GRIN2A: variants seen among roughly 807,000 people sequenced by gnomAD.
GRIN2A encodes the protein glutamate ionotropic receptor NMDA type subunit 2A, also known as glutamate receptor ionotropic, NMDA 2A.
GRIN2A carries 22 observed loss-of-function variants against 113.4 expected under a neutral mutation model. The ratio of observed to expected loss-of-function variants is 0.19; its 90% CI spans 0.14 to 0.28. The LOEUF is 0.28. Among genes scored for constraint, GRIN2A ranks in the 10% least tolerant of loss-of-function variants. GRIN2A has a pLI of 1.00. For missense variants in GRIN2A, 1,502 were observed against 1,887.0 expected (o/e 0.80, Z 3.78); for synonymous variants, 827 against 738.4 (o/e 1.12, Z -1.94).
At chr16:9,804,752 T>A (rs2041931999) in intron 10 of GRIN2A, among the ~76,000 whole-genome samples, 1 of 152,132 alleles carries the variant, frequency 6.6e-6, no homozygotes, top group Non-Finnish European at 1.5e-5. Context: ...AAGAATGCCA[T>A]GCTATGCTGG....
intron 2 of GRIN2A, among the ~76,000 whole-genome samples, chr16:10,165,702 AGGAGGGGAGGGGAGAAAGGAGG>A (rs2049904726): frequency 3.4e-4 from 1 of 2,910 alleles, no homozygotes; most frequent in Admixed American, 7.2e-3. Flanking sequence ...GAGGGGAGAA[AGGAGGGGAGGGGAGAAAGGAGG>A]GGAGGGGAGA....
chr16:10,000,360 T>C (rs572661308), intron 2 of GRIN2A, among the ~76,000 whole-genome samples: 2 of 124,580 alleles, frequency 1.6e-5, no homozygotes, highest in African/African-American at 6.1e-5. Flanking sequence ...AGAAAGAAAG[T>C]TTTTTTTTCT....
intron 8 of GRIN2A, among the ~76,000 whole-genome samples, chr16:9,832,873 TC>T (rs1777222559): frequency 6.6e-6 from 1 of 152,180 alleles, no homozygotes; most frequent in South Asian, 2.1e-4. Flanking sequence ...TAATCACCAC[TC>T]TTCAATGGTG....
chr16:9,990,766 T>A (rs1175136767), intron 2 of GRIN2A, among the ~76,000 whole-genome samples: 2 of 152,184 alleles, frequency 1.3e-5, no homozygotes, highest in Non-Finnish European at 2.9e-5. Flanking sequence ...ACTATTTTCT[T>A]ATTTTAAGAA....
intron 2 of GRIN2A, among the ~76,000 whole-genome samples, chr16:10,045,898 C>T (rs146309557): frequency 4.7e-4 from 71 of 152,320 alleles, no homozygotes; most frequent in African/African-American, 1.4e-3. Context: ...CTGACCAGAT[C>T]GTGTTTCTTT....
At chr16:9,795,823 A>T (rs1902950318) in intron 11 of GRIN2A, among the ~76,000 whole-genome samples, 1 of 152,208 alleles carries the variant, frequency 6.6e-6, no homozygotes, top group African/African-American at 2.4e-5. Context: ...TTTAGTTCAG[A>T]TGTGCACTAA....
At chr16:10,074,644 T>A (rs2047833698) in intron 2 of GRIN2A, among the ~76,000 whole-genome samples, 1 of 152,216 alleles carries the variant, frequency 6.6e-6, no homozygotes, top group Non-Finnish European at 1.5e-5. Context: ...AGGCCATGTA[T>A]TATACAATTC....
At position 10,049,369 on chromosome 16, in the gene GRIN2A, A is replaced by G. The variant is rs2047315151; in HGVS notation, c.415-110818T>C. Among the ~76,000 whole-genome samples the G allele has an allele frequency of 2.0e-5, 3 of 151,030 alleles. No individual in the cohort carries two copies. In the South Asian group the frequency reaches 6.3e-4, roughly 31 times the overall value. On this transcript the variant is annotated intron_variant, in intron 2 of 12. Transcript: ENST00000330684. ...TTGTCACAGCATTACCACCTTATTT[A>G]TTGATTTTTTACTATTTTTTTTTTT... is the stretch of plus-strand genomic sequence containing the variant.
rs1052055946 is a variant in GRIN2A at position 10,042,893 on chromosome 16, C to T, written c.415-104342G>A. The stretch of plus-strand genomic sequence containing the variant: ...AACCAGCCTATGAGTAGACTCAACA[C>T]TAAGGATGGTAGAACAGACGGAAGG... On this transcript the variant is annotated intron_variant, in intron 2 of 12. Coordinates refer to ENST00000330684, the MANE Select transcript of GRIN2A (RefSeq NM_001134407.3). 2.0e-5 allele frequency among the ~76,000 whole-genome samples: 3 copies of T among 152,192 alleles called. No homozygotes were observed. In the East Asian group the frequency reaches 5.8e-4, roughly 29 times the overall value.
chr16:9,865,292 A>C (rs1276037800), intron 4 of GRIN2A, among the ~76,000 whole-genome samples: 1 of 152,164 alleles, frequency 6.6e-6, no homozygotes, highest in African/African-American at 2.4e-5. Flanking sequence ...TAAGTAACCC[A>C]CCACCGTCAA....
chr16:9,912,340 C>G (rs756273948), intron 3 of GRIN2A, among the ~76,000 whole-genome samples: 3 of 151,880 alleles, frequency 2.0e-5, no homozygotes, highest in African/African-American at 7.3e-5. Context: ...ATGATGATGA[C>G]GATGATACCA....
At chr16:9,843,018 G>T (rs530710183) in intron 5 of GRIN2A, among the ~76,000 whole-genome samples, 1 of 149,832 alleles carries the variant, frequency 6.7e-6, no homozygotes, top group Admixed American at 6.6e-5. Context: ...AGAGAAAAAG[G>T]GGGGAGAGGG....
intron 2 of GRIN2A, among the ~76,000 whole-genome samples, chr16:10,156,257 T>TC (rs2049692637): frequency 6.6e-6 from 1 of 152,232 alleles, no homozygotes; most frequent in Non-Finnish European, 1.5e-5. Flanking sequence ...TGGAATGGAC[T>TC]CATGCCATAA....
Position 9,800,129 on chromosome 16 carries a change from C to T in GRIN2A, c.2169-1665G>A, listed in dbSNP as rs572112120. ...AGCTGGGATTACAGGTGCCTGCCAC[C>T]ACTCCCGGCTAATTTTTATATTTTT... On this transcript the variant is annotated intron_variant, in intron 10 of 12. Coordinates refer to ENST00000330684, the MANE Select transcript of GRIN2A (RefSeq NM_001134407.3). Among the ~76,000 whole-genome samples, 28 of 152,152 alleles carry T rather than the reference C, an allele frequency of 1.8e-4. No individual in the cohort carries two copies. The South Asian group carries it at 3.1e-3, about 17-fold the overall frequency.
At chr16:9,996,725 C>G (rs1350654225) in intron 2 of GRIN2A, among the ~76,000 whole-genome samples, 3 of 152,080 alleles carry the variant, frequency 2.0e-5, no homozygotes, top group African/African-American at 7.2e-5. Context: ...GAGGCTATAC[C>G]TATTTTTTAA....
At chr16:9,923,916 CAGG>C (rs2044403568) in intron 3 of GRIN2A, among the ~76,000 whole-genome samples, 1 of 151,854 alleles carries the variant, frequency 6.6e-6, no homozygotes, top group Admixed American at 6.6e-5. Flanking sequence ...CACTTGAGGC[CAGG>C]AGTTCGAGAC....
intron 2 of GRIN2A, among the ~76,000 whole-genome samples, chr16:10,020,134 C>T (rs149375440): frequency 1.8e-4 from 28 of 152,264 alleles, no homozygotes; most frequent in African/African-American, 6.7e-4. Flanking sequence ...AAAAGATGGG[C>T]CAGGTGCAGT....
intron 3 of GRIN2A, among the ~76,000 whole-genome samples, chr16:9,922,897 A>G (rs2044384099): frequency 6.6e-6 from 1 of 152,204 alleles, no homozygotes; most frequent in African/African-American, 2.4e-5. Context: ...AACTTGTTTT[A>G]TGGCCTAGAA....
intron 2 of GRIN2A, among the ~76,000 whole-genome samples, chr16:10,166,972 A>G (rs2049937380): frequency 6.6e-6 from 1 of 152,214 alleles, no homozygotes; most frequent in Non-Finnish European, 1.5e-5. Flanking sequence ...TACATATAGC[A>G]TAGAAAATTT....
Sources: gnomAD v4.1 joint callset for allele counts (sites outside exome capture counted in the v4.1 genomes callset) on GRCh38, gnomAD v4.1.1 for gene constraint, MANE v1.5 for transcripts, NCBI Gene and HGNC (gene_info 2026-07-23, HGNC 2026-07-21) for gene names.